CAPN3: variants seen among roughly 807,000 people sequenced by gnomAD.
CAPN3 encodes the protein calpain-3.
A neutral mutation model predicts 114.0 loss-of-function variants in CAPN3; 88 were observed. That is an observed-to-expected ratio of 0.77 (90% CI 0.65 to 0.92). CAPN3 has a LOEUF of 0.92. Ranked by LOEUF, CAPN3 falls within the 40% of genes least tolerant of loss-of-function variation. CAPN3 has a pLI of 0.00. For missense variants in CAPN3, 1,028 were observed against 1,069.0 expected (o/e 0.96, Z 0.53); for synonymous variants, 386 against 382.9 (o/e 1.01, Z -0.09).
At chr15:42,384,168 C>T (rs968411132) in intron 1 of CAPN3, among the ~76,000 whole-genome samples, 1 of 152,044 alleles carries the variant, frequency 6.6e-6, no homozygotes, top group African/African-American at 2.4e-5. Flanking sequence ...AATCCCAGCA[C>T]TTTGGGAGGC....
rs900347650 is a variant in CAPN3, at chr15:42,405,189, T to C, written c.1783-737T>C. ...GCTTTTACCAAAGAAAATCTCCCTATGTTAAATGCTTGCTCAAAAATTTTT... is the reference window on the plus strand; with the variant it reads ...GCTTTTACCAAAGAAAATCTCCCTACGTTAAATGCTTGCTCAAAAATTTTT... On this transcript the variant is annotated intron_variant, in intron 14 of 23. Coordinates refer to ENST00000397163, the MANE Select transcript of CAPN3 (RefSeq NM_000070.3). Among the ~76,000 whole-genome samples, 17 of 152,352 alleles carry C rather than the reference T, an allele frequency of 1.1e-4. No individual in the cohort carries two copies. The East Asian group carries it at 2.3e-3, about 21-fold the overall frequency.
intron 15 of CAPN3, among the ~76,000 whole-genome samples, chr15:42,407,217 A>G (rs774899882): frequency 5.9e-5 from 9 of 152,162 alleles, no homozygotes; most frequent in Non-Finnish European, 1.3e-4. Flanking sequence ...AGCATCTTAA[A>G]TGTTTTTGCA....
chr15:42,362,678 G>A (rs557518518), intron 1 of CAPN3, among the ~76,000 whole-genome samples: 2 of 152,292 alleles, frequency 1.3e-5, no homozygotes, highest in South Asian at 4.1e-4. Flanking sequence ...TCTTGGAGAG[G>A]TGCTCCAGTG....
intron 1 of CAPN3, among the ~76,000 whole-genome samples, chr15:42,361,914 G>A (rs775424487): frequency 1.7e-4 from 26 of 152,190 alleles, no homozygotes; most frequent in Non-Finnish European, 2.8e-4. Flanking sequence ...CTCTGCTCAG[G>A]TGTCACTTCC....
intron 1 of CAPN3, among the ~76,000 whole-genome samples, chr15:42,372,048 A>G (rs1486584294): frequency 1.3e-5 from 2 of 152,148 alleles, no homozygotes; most frequent in African/African-American, 4.8e-5. Flanking sequence ...CAATATGGGA[A>G]GAATACACAT....
At position 42,412,154 on chromosome 15, in the gene CAPN3, C is replaced by T. The variant is rs144501482; in HGVS notation, c.*381C>T. 114 of 1,536,164 alleles carry T rather than the reference C, an allele frequency of 7.4e-5. No individual in the cohort carries two copies. In the African/African-American group the frequency reaches 1.2e-3, roughly 16 times the overall value. On this transcript the variant is annotated 3_prime_UTR_variant, in exon 24 of 24. Transcript: ENST00000397163. ...GTGCTAGAGCCCTCCATCACCTTCA[C>T]GCTGTCCCACCATGGGCCAGGAACC...
chr15:42,398,634 C>CACACACACAT (rs1555421735), intron 9 of CAPN3, among the ~76,000 whole-genome samples: 1 of 123,932 alleles, frequency 8.1e-6, no homozygotes, highest in Non-Finnish European at 1.7e-5. Context: ...CACACACACA[C>CACACACACAT]ATATATATAC....
chr15:42,375,329 G>A lies in CAPN3; in HGVS notation c.310-9154G>A, dbSNP rs1331247530. Among the ~76,000 whole-genome samples, 6 of 152,040 alleles carry A rather than the reference G, an allele frequency of 3.9e-5. No homozygotes were observed. The South Asian group carries it at 6.3e-4, about 16-fold the overall frequency. ...AAGGCTTGTTCATTCATGTGCTGTC[G>A]CTTCTGTTTAAACAGAAAGGTCCGT... On this transcript the variant is annotated intron_variant, in intron 1 of 23. Coordinates refer to ENST00000397163, the MANE Select transcript of CAPN3 (RefSeq NM_000070.3).
chr15:42,369,025 G>T (rs1329659543), intron 1 of CAPN3, among the ~76,000 whole-genome samples: 1 of 152,190 alleles, frequency 6.6e-6, no homozygotes, highest in South Asian at 2.1e-4. Flanking sequence ...CCTGAGAGGG[G>T]CTTCTGGCTG....
In CAPN3 at chr15:42,388,882, C is replaced by T. The variant is rs755424593; in HGVS notation, c.633-46C>T. The T allele has an allele frequency of 3.8e-6, 6 of 1,588,630 alleles. 1 individual carries two copies. In the South Asian group the frequency reaches 6.6e-5, roughly 18 times the overall value. On this transcript the variant is annotated intron_variant, in intron 4 of 23. Transcript: ENST00000397163. ...GTGGCAGTGGTACCTGGGTTTTGTT[C>T]CCTGGAACTCTGTGACCCCAAATTG...
chr15:42,401,610 G>C, intron 10 of CAPN3, 31 bp from the exon 11 acceptor site: 1 of 1,612,902 alleles, frequency 6.2e-7, no homozygotes, highest in Non-Finnish European at 8.5e-7. Flanking sequence ...AGAGGCAGCT[G>C]TGAATGCGTG....
At chr15:42,368,843 G>A (rs2052856452) in intron 1 of CAPN3, among the ~76,000 whole-genome samples, 1 of 152,196 alleles carries the variant, frequency 6.6e-6, no homozygotes, top group Admixed American at 6.5e-5. Flanking sequence ...CTTGAGCCCA[G>A]GAGTTCAAGA....
At chr15:42,380,820 A>T (rs1207036072) in intron 1 of CAPN3, among the ~76,000 whole-genome samples, 1 of 136,894 alleles carries the variant, frequency 7.3e-6, no homozygotes, top group Non-Finnish European at 1.5e-5. Flanking sequence ...CAAACTCCTG[A>T]GCTTAAGCAG....
chr15:42,379,245 A>C (rs1211623733), intron 1 of CAPN3, among the ~76,000 whole-genome samples: 1 of 152,018 alleles, frequency 6.6e-6, no homozygotes, highest in Non-Finnish European at 1.5e-5. Context: ...CGGGAGGTAG[A>C]GGTTGCAGTG....
chr15:42,386,076 C>G, intron 2 of CAPN3, 91 bp from the exon 3 acceptor site: 1 of 890,764 alleles, frequency 1.1e-6, no homozygotes, highest in Non-Finnish European at 1.9e-6. Context: ...AGTCCCCGTT[C>G]AGGGAAGTGG....
intron 7 of CAPN3, 97 bp from the exon 8 acceptor site, chr15:42,394,159 A>C (rs1456822412): frequency 2.7e-6 from 3 of 1,118,060 alleles, no homozygotes; most frequent in Non-Finnish European, 4.0e-6. Flanking sequence ...CTCGCGTAAG[A>C]GATTTGCCCC....
At chr15:42,372,794 G>A (rs1274464403) in intron 1 of CAPN3, among the ~76,000 whole-genome samples, 1 of 152,040 alleles carries the variant, frequency 6.6e-6, no homozygotes, top group Non-Finnish European at 1.5e-5. Flanking sequence ...GTTGCAGTGA[G>A]CCGAGATCGT....
Position 42,359,605 on chromosome 15 carries a change from G to C in CAPN3, c.-201G>C, listed in dbSNP as rs1312673060. 8 of 1,426,342 alleles carry C rather than the reference G, an allele frequency of 5.6e-6. No individual in the cohort carries two copies. Among genetic ancestry groups the C allele is most frequent in the Non-Finnish European group, 7.3e-6 (8 of 1,095,028 alleles). 88.4% of individuals were successfully genotyped at this position (1,426,342 alleles called of 1,614,324 possible). ...CACTCATTTCTCAGGAGAACTTATG[G>C]CTTCAGAATCACAGCTCGGTTTTTA... On this transcript the variant is annotated 5_prime_UTR_variant, in exon 1 of 24. Coordinates refer to ENST00000397163, the MANE Select transcript of CAPN3 (RefSeq NM_000070.3).
At chr15:42,362,803 CACTTCTTGG>C (rs779957726) in intron 1 of CAPN3, among the ~76,000 whole-genome samples, 18 of 152,284 alleles carry the variant, frequency 1.2e-4, no homozygotes, top group Admixed American at 1.2e-3. Context: ...GACTGTAAAG[CACTTCTTGG>C]AGACATCAGT....
Sources: gnomAD v4.1 joint callset for allele counts (sites outside exome capture counted in the v4.1 genomes callset) on GRCh38, gnomAD v4.1.1 for gene constraint, MANE v1.5 for transcripts, NCBI Gene and HGNC (gene_info 2026-07-23, HGNC 2026-07-21) for gene names.